The following PTPRD variants were observed in gnomAD, a reference collection of about 807,000 sequenced individuals.
PTPRD encodes receptor-type tyrosine-protein phosphatase delta.
A neutral mutation model predicts 214.5 loss-of-function variants in PTPRD; 34 were observed. That is an observed-to-expected ratio of 0.16 (90% CI 0.12 to 0.21). The LOEUF (loss-of-function observed/expected upper bound fraction) is 0.21, where lower values mean the gene tolerates loss of function less well. Ranked by LOEUF, PTPRD falls within the 10% of genes least tolerant of loss-of-function variation. The pLI is 1.00. For synonymous variants in PTPRD, 1,128 were observed against 845.7 expected, an observed-to-expected ratio of 1.33 and a Z score of -5.79; for missense variants, 2,545 against 2,398.7, an observed-to-expected ratio of 1.06 and a Z score of -1.27.
At chr9:9,550,938 TA>T (rs1296120695) in intron 8 of PTPRD, among the ~76,000 whole-genome samples, 3 of 151,900 alleles carry the variant, frequency 2.0e-5, no homozygotes, top group African/African-American at 7.2e-5. Context: ...AAATTAATGA[TA>T]TCACCAAATG....
chr9:10,176,898 C>T (rs2099251750), intron 3 of PTPRD, among the ~76,000 whole-genome samples: 1 of 151,924 alleles, frequency 6.6e-6, no homozygotes, highest in Admixed American at 6.6e-5. Context: ...TATTTATTCA[C>T]TGAAGCACAT....
At chr9:10,379,124 T>G (rs2097776426) in intron 2 of PTPRD, among the ~76,000 whole-genome samples, 1 of 151,954 alleles carries the variant, frequency 6.6e-6, no homozygotes, top group Non-Finnish European at 1.5e-5. Flanking sequence ...GATCAGTCAC[T>G]GTTGGCATAG....
chr9:9,907,459 G>GCTTGACCATGGTTGT lies in PTPRD; in HGVS notation c.-368+31033_-368+31047dup, dbSNP rs1253512977. Among the ~76,000 whole-genome samples the GCTTGACCATGGTTGT allele has an allele frequency of 7.8e-4, 118 of 151,926 alleles. 1 individual carries two copies. The highest frequency in any genetic ancestry group is 2.7e-3 in the African/African-American group (113 of 41,470). ...CTCATGAGGCCTCCCTTTCTCCACG[G>GCTTGACCATGGTTGT]CTTGACCATGGTTGTCTTCTTACTA... is the stretch of plus-strand genomic sequence containing the variant. On this transcript the variant is annotated intron_variant, in intron 5 of 45. Transcript: ENST00000381196.
intron 4 of PTPRD, among the ~76,000 whole-genome samples, chr9:9,985,863 T>C (rs904809196): frequency 2.0e-5 from 3 of 151,942 alleles, no homozygotes; most frequent in Non-Finnish European, 4.4e-5. Context: ...ATTCTCCCTC[T>C]CCTAAACACT....
At chr9:9,039,811 T>A (rs1300178207) in intron 10 of PTPRD, among the ~76,000 whole-genome samples, 1 of 152,182 alleles carries the variant, frequency 6.6e-6, no homozygotes, top group Non-Finnish European at 1.5e-5. Flanking sequence ...TTGAAAGTTG[T>A]ATCTTTTTAA....
intron 11 of PTPRD, among the ~76,000 whole-genome samples, chr9:8,834,864 G>C (rs2097379116): frequency 6.6e-6 from 1 of 152,216 alleles, no homozygotes; most frequent in African/African-American, 2.4e-5. Flanking sequence ...CCTATATACA[G>C]TCAGAGCAGA....
intron 14 of PTPRD, among the ~76,000 whole-genome samples, chr9:8,598,669 T>C (rs1034121008): frequency 6.6e-6 from 1 of 152,168 alleles, no homozygotes; most frequent in African/African-American, 2.4e-5. Flanking sequence ...AAATGTACAA[T>C]GCTGCTTATA....
intron 4 of PTPRD, among the ~76,000 whole-genome samples, chr9:10,027,965 C>T (rs2096961811): frequency 6.6e-6 from 1 of 151,978 alleles, no homozygotes; most frequent in African/African-American, 2.4e-5. Flanking sequence ...TTTTATTATT[C>T]CTGTAATATC....
intron 11 of PTPRD, among the ~76,000 whole-genome samples, chr9:8,944,609 G>A (rs576695258): frequency 1.3e-5 from 2 of 152,094 alleles, no homozygotes; most frequent in South Asian, 4.2e-4. Flanking sequence ...CAACAAGGAT[G>A]GAACTAAACA....
At chr9:8,416,451 T>C (rs1206077607) in intron 35 of PTPRD, among the ~76,000 whole-genome samples, 13 of 152,204 alleles carry the variant, frequency 8.5e-5, no homozygotes, top group Non-Finnish European at 1.5e-5. Flanking sequence ...ATTGAACTAC[T>C]TTCCAGGAAG....
At chr9:10,299,946 C>G (rs1045619794) in intron 3 of PTPRD, among the ~76,000 whole-genome samples, 4 of 152,106 alleles carry the variant, frequency 2.6e-5, no homozygotes, top group African/African-American at 9.7e-5. Flanking sequence ...ACTTGGTGTA[C>G]TAATCTGACT....
At chr9:8,522,711 G>A (rs895281629) in intron 19 of PTPRD, among the ~76,000 whole-genome samples, 13 of 152,186 alleles carry the variant, frequency 8.5e-5, no homozygotes, top group Admixed American at 3.9e-4. Flanking sequence ...TGTTTTGGAT[G>A]TGATACAAGG....
chr9:9,699,148 TGTG>T (rs372067809), intron 7 of PTPRD, among the ~76,000 whole-genome samples: 130 of 152,316 alleles, frequency 8.5e-4, no homozygotes, highest in African/African-American at 2.7e-3. Context: ...CTATTTTCGT[TGTG>T]GTTATCATGG....
At chr9:9,467,615 A>C (rs2094299456) in intron 8 of PTPRD, among the ~76,000 whole-genome samples, 1 of 145,138 alleles carries the variant, frequency 6.9e-6, no homozygotes, top group Admixed American at 6.8e-5. Context: ...AAAAAAGTTG[A>C]GCAGAAATGA....
At chr9:9,935,575 G>C (rs1391948699) in intron 5 of PTPRD, among the ~76,000 whole-genome samples, 1 of 151,856 alleles carries the variant, frequency 6.6e-6, no homozygotes, top group Non-Finnish European at 1.5e-5. Flanking sequence ...GGAAATAAAA[G>C]AGGATACAAA....
intron 9 of PTPRD, among the ~76,000 whole-genome samples, chr9:9,305,923 C>T (rs953060946): frequency 2.6e-5 from 4 of 151,992 alleles, no homozygotes; most frequent in Non-Finnish European, 4.4e-5. Flanking sequence ...CACAGCCCTG[C>T]TGAAACCTTG....
chr9:9,085,137 TG>T (rs1189453985), intron 10 of PTPRD, among the ~76,000 whole-genome samples: 2 of 152,192 alleles, frequency 1.3e-5, no homozygotes, highest in Non-Finnish European at 2.9e-5. Flanking sequence ...ATATATTTAG[TG>T]ATTTTTTTGG....
chr9:9,538,580 G>C (rs557512915), intron 8 of PTPRD, among the ~76,000 whole-genome samples: 1 of 151,870 alleles, frequency 6.6e-6, no homozygotes, highest in Non-Finnish European at 1.5e-5. Context: ...ACCCAACTCA[G>C]TAATGCTATG....
intron 7 of PTPRD, among the ~76,000 whole-genome samples, chr9:9,591,861 C>T (rs1209230762): frequency 6.6e-6 from 1 of 151,958 alleles, no homozygotes; most frequent in Non-Finnish European, 1.5e-5. Flanking sequence ...ATATACAATA[C>T]ATTGTCAACT....
Sources: gnomAD v4.1 joint callset for allele counts (sites outside exome capture counted in the v4.1 genomes callset) on GRCh38, gnomAD v4.1.1 for gene constraint, MANE v1.5 for transcripts, NCBI Gene and HGNC (gene_info 2026-07-23, HGNC 2026-07-21) for gene names.